The following CCT6B variants were observed in gnomAD, a reference collection of about 807,000 sequenced individuals.
CCT6B encodes chaperonin containing TCP1 subunit 6B.
Under a neutral mutation model 61.5 loss-of-function variants are expected in CCT6B, and 49 were observed. The observed-to-expected ratio is 0.80, with a 90% CI of 0.63 to 1.01. CCT6B has a LOEUF of 1.01. Ranked by LOEUF, CCT6B falls within the 50% of genes least tolerant of loss-of-function variation. CCT6B has a pLI of 0.00. For synonymous variants in CCT6B, 228 were observed against 214.5 expected, an observed-to-expected ratio of 1.06 and a Z score of -0.55; for missense variants, 666 against 634.7, an observed-to-expected ratio of 1.05 and a Z score of -0.53.
At chr17:34,936,651 T>G (rs773348320) in intron 10 of CCT6B, among the ~76,000 whole-genome samples, 1 of 152,008 alleles carries the variant, frequency 6.6e-6, no homozygotes, top group Non-Finnish European at 1.5e-5. Flanking sequence ...AAATGGAAAT[T>G]TTAAAAATAG....
intron 3 of CCT6B, among the ~76,000 whole-genome samples, chr17:34,956,606 C>G (rs886177072): frequency 4.6e-5 from 7 of 152,150 alleles, no homozygotes; most frequent in Non-Finnish European, 8.8e-5. Context: ...CTGATCTTAT[C>G]CCCAGCTCAA....
At chr17:34,930,582 T>C (rs2090024510) in intron 12 of CCT6B, among the ~76,000 whole-genome samples, 1 of 152,192 alleles carries the variant, frequency 6.6e-6, no homozygotes, top group Non-Finnish European at 1.5e-5. Context: ...TCCACCCTCC[T>C]GTACTAGCAT....
intron 10 of CCT6B, among the ~76,000 whole-genome samples, chr17:34,938,046 C>A (rs578135361): frequency 6.6e-6 from 1 of 152,064 alleles, no homozygotes; most frequent in East Asian, 1.9e-4. Context: ...CAGGCCACCA[C>A]GCCTGGCTAT....
chr17:34,937,485 A>G (rs1245793842), intron 10 of CCT6B, among the ~76,000 whole-genome samples: 2 of 152,220 alleles, frequency 1.3e-5, no homozygotes, highest in Non-Finnish European at 2.9e-5. Flanking sequence ...AAGTCTTTTC[A>G]GCAAATAAGA....
At chr17:34,954,711 A>C in intron 3 of CCT6B, 112 bp from the exon 4 acceptor site, 1 of 757,436 alleles carries the variant, frequency 1.3e-6, no homozygotes, top group Non-Finnish European at 2.1e-6. Flanking sequence ...ATGCCATGAA[A>C]TATAAGTGTA....
chr17:34,941,587 C>T (rs779043656), intron 7 of CCT6B, among the ~76,000 whole-genome samples: 1 of 152,162 alleles, frequency 6.6e-6, no homozygotes, highest in Non-Finnish European at 1.5e-5. Flanking sequence ...CACAGAATTT[C>T]CTCATTCATT....
Position 34,961,162 on chromosome 17 carries a change from A to T in CCT6B, c.137+95T>A, listed in dbSNP as rs567661559. The stretch of plus-strand genomic sequence containing the variant: ...GAATGAGGGAAATCAAGCTCGCAAG[A>T]ACATCCACAGCGCTACGCGGACGCC... On this transcript the variant is annotated intron_variant, in intron 1 of 13. Coordinates refer to ENST00000314144, the MANE Select transcript of CCT6B (RefSeq NM_006584.4). 5.6e-6 allele frequency: 8 copies of T among 1,422,026 alleles called. No individual in the cohort carries two copies. The South Asian group carries it at 1.1e-4, about 20-fold the overall frequency. The allele number at this position is 1,422,026 out of a possible 1,614,324, so 88.1% of individuals were successfully genotyped here.
In CCT6B at chr17:34,940,583, A is replaced by G. The variant is rs1479026690; in HGVS notation, c.924T>C (p.His308=). ...TTGCTCTGCGAAGAGCTACTATTCCATGTTTTGCAAGAGAATCTAAGGAAA... is the reference window on the plus strand; with the variant it reads ...TTGCTCTGCGAAGAGCTACTATTCCGTGTTTTGCAAGAGAATCTAAGGAAA... ...DPFSLDSLAK[H]GIVALRRAKR... is the part of the protein sequence containing the mutation. The change falls in exon 8 of 14, where the codon CAT becomes CAC. Residue 308 remains histidine (H), a synonymous_variant. Transcript: ENST00000314144. The G allele has an allele frequency of 1.3e-6, 2 of 1,580,050 alleles. No homozygotes were observed. The highest frequency in any genetic ancestry group is 1.4e-5 in the African/African-American group (1 of 73,440).
intron 10 of CCT6B, among the ~76,000 whole-genome samples, chr17:34,934,119 ACT>A (rs888219649): frequency 2.0e-5 from 3 of 148,810 alleles, no homozygotes; most frequent in African/African-American, 5.0e-5. Flanking sequence ...ACAGATCGAG[ACT>A]CTGTTTCAAA....
chr17:34,961,184 C>A, intron 1 of CCT6B, 73 bp downstream of exon 1: 1 of 1,504,914 alleles, frequency 6.6e-7, no homozygotes, highest in Non-Finnish European at 9.0e-7. Context: ...GCTACGCGGA[C>A]GCCTGCCTCA....
intron 5 of CCT6B, among the ~76,000 whole-genome samples, chr17:34,945,715 A>T (rs2142160299): frequency 6.6e-6 from 1 of 152,352 alleles, no homozygotes; most frequent in Middle Eastern, 3.4e-3. Flanking sequence ...TAAATCAAGA[A>T]CTTGTTATCC....
At chr17:34,939,414 T>G in intron 9 of CCT6B, 84 bp from the exon 10 acceptor site, 1 of 1,194,724 alleles carries the variant, frequency 8.4e-7, no homozygotes, top group Non-Finnish European at 1.2e-6. Context: ...CAATCTTCAT[T>G]TGAATTTTTC....
chr17:34,938,526 A>T (rs1567665258), intron 10 of CCT6B, among the ~76,000 whole-genome samples: 4 of 152,294 alleles, frequency 2.6e-5, no homozygotes, highest in African/African-American at 4.8e-5. Flanking sequence ...ACTGCACTCT[A>T]GCCTGGGTGA....
intron 5 of CCT6B, among the ~76,000 whole-genome samples, chr17:34,946,707 A>G (rs952373341): frequency 6.6e-6 from 1 of 152,224 alleles, no homozygotes; most frequent in South Asian, 2.1e-4. Flanking sequence ...AACACAAGAA[A>G]ATACTAAATA....
In CCT6B at chr17:34,958,643, C is replaced by A. The variant is rs190998321; in HGVS notation, c.253G>T (p.Asp85Tyr). ...SLIAKVATAQ[D>Y]DVTGDGTTSN... ...GTAGTACCATCTCCTGTGACGTCAT[C>A]CTGAGCTGTTGCTACTTTTGCTATC... The change falls in exon 3 of 14, where the codon GAT (aspartate) becomes TAT (tyrosine). Residue 85 changes from aspartate (D) to tyrosine (Y), a missense_variant. Asp to Tyr is a radical substitution (Grantham distance 160). Transcript: ENST00000314144. 6.2e-7 allele frequency: 1 copy of A among 1,603,082 alleles called. No individual in the cohort carries two copies. The highest frequency in any genetic ancestry group is 2.2e-5 in the East Asian group (1 of 44,560).
At chr17:34,954,641 C>A (rs780362951) in intron 3 of CCT6B, 42 bp from the exon 4 acceptor site, 2 of 1,518,966 alleles carry the variant, frequency 1.3e-6, no homozygotes, top group South Asian at 1.3e-5. Flanking sequence ...AAATAAGTCA[C>A]CCAATGTAAA....
Position 34,928,963 on chromosome 17 carries a change from A to G in CCT6B, c.1522T>C (p.Cys508Arg), listed in dbSNP as rs561811163. 3.9e-6 allele frequency: 6 copies of G among 1,545,522 alleles called. No homozygotes were observed. The South Asian group carries it at 5.6e-5, about 15-fold the overall frequency. ...YCVKKQLLHS[C>R]TVIATNILLV... The stretch of plus-strand genomic sequence containing the variant: ...CACTTTATGTTCATATGAACTTACC[A>G]AGAGTGAAGAAGTTGTTTTTTTACA... The change falls in exon 13 of 14, where the codon TGC becomes CGC. Residue 508 changes from cysteine to arginine, a missense_variant and splice_region_variant. Physicochemically the swap from Cys to Arg is radical, Grantham distance 180 (BLOSUM62 -3). Transcript: ENST00000314144.
At chr17:34,928,891 GA>G in intron 13 of CCT6B, 70 bp downstream of exon 13, 1 of 914,564 alleles carries the variant, frequency 1.1e-6, no homozygotes, top group South Asian at 1.5e-5. Flanking sequence ...AAAAATAATA[GA>G]AAAAATTTCA....
chr17:34,938,074 G>A (rs2090114995), intron 10 of CCT6B, among the ~76,000 whole-genome samples: 1 of 151,898 alleles, frequency 6.6e-6, no homozygotes. Context: ...TGTGTGTGTA[G>A]AGGCATGGTC....
Sources: gnomAD v4.1 joint callset for allele counts (sites outside exome capture counted in the v4.1 genomes callset) on GRCh38, gnomAD v4.1.1 for gene constraint, MANE v1.5 for transcripts, NCBI Gene and HGNC (gene_info 2026-07-23, HGNC 2026-07-21) for gene names.